PTMA: variants seen among roughly 807,000 people sequenced by gnomAD.
PTMA encodes gene sequence 28.
PTMA carries 4 observed loss-of-function variants against 16.9 expected under a neutral mutation model. The observed-to-expected ratio is 0.24, with a 90% CI of 0.12 to 0.54. The LOEUF is 0.54. Among genes scored for constraint, PTMA ranks in the 20% least tolerant of loss-of-function variants. PTMA has a pLI of 0.95. For missense variants in PTMA, 120 were observed against 137.7 expected (o/e 0.87, Z 0.64); for synonymous variants, 58 against 47.9 (o/e 1.21, Z -0.87).
chr2:231,712,556 G>A, intron 4 of PTMA, 40 bp downstream of exon 4: 1 of 1,600,346 alleles, frequency 6.2e-7, no homozygotes, highest in South Asian at 1.1e-5. Context: ...TTGGCATCTG[G>A]GTCTCCCCAC....
intron 1 of PTMA, chr2:231,709,639 CCGGGCCCCGTGGCGGG>C (rs2106241850): frequency 6.6e-6 from 1 of 152,478 alleles, no homozygotes; most frequent in African/African-American, 2.4e-5. Context: ...GGGGGGGCGC[CCGGGCCCCGTGGCGGG>C]TTCACTGCCC....
At chr2:231,711,849 G>C (rs781448325) in intron 2 of PTMA, 41 bp from the exon 3 acceptor site, 2 of 1,609,990 alleles carry the variant, frequency 1.2e-6, no homozygotes, top group Non-Finnish European at 1.7e-6. Context: ...GTCCAGCCTG[G>C]GGCCAGCTGG....
chr2:231,712,117 G>T (rs2106245615), intron 3 of PTMA, 134 bp downstream of exon 3: 1 of 1,468,184 alleles, frequency 6.8e-7, no homozygotes. Context: ...ATGGCCCTGG[G>T]CACCCACCTG....
In PTMA at chr2:231,708,676, C is replaced by T; in HGVS notation, c.-31C>T. 2 of 1,600,558 alleles carry T rather than the reference C, an allele frequency of 1.2e-6. No homozygotes were observed. The highest frequency in any genetic ancestry group is 8.5e-7 in the Non-Finnish European group (1 of 1,179,358). On this transcript the variant is annotated 5_prime_UTR_variant, in exon 1 of 5. Coordinates refer to ENST00000409115, the MANE Select transcript of PTMA (RefSeq NM_002823.5). ...CCTGAACTCTCGCTTTCTTTTTAAT[C>T]CCCTGCATCGGATCACCGGCGTGCC...
Position 231,712,988 on chromosome 2 carries a change from C to T in PTMA, c.*137C>T, listed in dbSNP as rs976023502. 196 of 859,104 alleles carry T rather than the reference C, an allele frequency of 2.3e-4. 1 individual carries two copies. Among genetic ancestry groups the T allele is most frequent in the South Asian group, 1.6e-3 (89 of 56,096 alleles). 53.2% of individuals were successfully genotyped at this position (859,104 alleles called of 1,614,324 possible). A position where few individuals can be genotyped will look rare whatever the true frequency, so the allele number is the denominator to read the frequency against. ...CCCGCCCACCGTGGGCAGTGCCACCCGCAGATGACACGCGCTCTCCACCAC... is the reference window on the plus strand; with the variant it reads ...CCCGCCCACCGTGGGCAGTGCCACCTGCAGATGACACGCGCTCTCCACCAC... On this transcript the variant is annotated 3_prime_UTR_variant, in exon 5 of 5. Coordinates refer to ENST00000409115, the MANE Select transcript of PTMA (RefSeq NM_002823.5).
At chr2:231,712,114 TG>T in intron 3 of PTMA, 131 bp downstream of exon 3, 1 of 1,471,764 alleles carries the variant, frequency 6.8e-7, no homozygotes, top group South Asian at 1.3e-5. Flanking sequence ...CACATGGCCC[TG>T]GGCACCCACC....
At chr2:231,711,494 C>A in intron 2 of PTMA, 75 bp downstream of exon 2, 2 of 1,350,508 alleles carry the variant, frequency 1.5e-6, no homozygotes, top group Non-Finnish European at 2.1e-6. Context: ...TTTAAACATA[C>A]CTATATATGT....
intron 1 of PTMA, chr2:231,710,115 C>G: frequency 8.0e-7 from 1 of 1,243,520 alleles, no homozygotes; most frequent in Non-Finnish European, 1.0e-6. Context: ...GCATCCCCGA[C>G]AGTCTCGGAC....
chr2:231,711,326 G>GGTTACTC, intron 1 of PTMA, 22 bp from the exon 2 acceptor site: 1 of 1,607,492 alleles, frequency 6.2e-7, no homozygotes. Context: ...ACTGGTTACT[G>GGTTACTC]GTTCCTTCTT....
At position 231,710,051 on chromosome 2, in the gene PTMA, C is replaced by T. The variant is rs906558824; in HGVS notation, c.46-1297C>T. 54 of 1,222,828 alleles carry T rather than the reference C, an allele frequency of 4.4e-5. No homozygotes were observed. The African/African-American group carries it at 7.5e-4, about 17-fold the overall frequency. 75.7% of individuals were successfully genotyped at this position (1,222,828 alleles called of 1,614,324 possible). ...CGGGGCCTGGCTGTTCGATTTTCTC[C>T]GAAGCACCAAAAGGTGACTTCCCGC... On this transcript the variant is annotated intron_variant, in intron 1 of 4. Transcript: ENST00000409115.
intron 1 of PTMA, chr2:231,710,713 G>A (rs909985063): frequency 1.9e-5 from 7 of 369,318 alleles, no homozygotes; most frequent in Non-Finnish European, 3.9e-5. Context: ...GGGGAGGCCG[G>A]GAGTTGGTGG....
chr2:231,708,825 G>A, intron 1 of PTMA, 74 bp downstream of exon 1: 5 of 1,535,390 alleles, frequency 3.3e-6, no homozygotes, highest in Non-Finnish European at 4.4e-6. Context: ...CGCAGCAGCT[G>A]GACTGTCTCA....
In PTMA at chr2:231,712,426, C is replaced by T. The variant is rs1183866341; in HGVS notation, c.212-17C>T. ...TAGGAGGGAAGTGTGGTTTACCTGGCCTTTGATTCTCTCCAGGTGAGGAAG... is the reference window on the plus strand; with the variant it reads ...TAGGAGGGAAGTGTGGTTTACCTGGTCTTTGATTCTCTCCAGGTGAGGAAG... On this transcript the variant is annotated splice_polypyrimidine_tract_variant and intron_variant, in intron 3 of 4. Coordinates refer to ENST00000409115, the MANE Select transcript of PTMA (RefSeq NM_002823.5). 11 of 1,611,988 alleles carry T rather than the reference C, an allele frequency of 6.8e-6. No homozygotes were observed. The highest frequency in any genetic ancestry group is 2.2e-5 in the South Asian group (2 of 91,026).
At chr2:231,711,071 T>C (rs2048512306) in intron 1 of PTMA, 1 of 327,862 alleles carries the variant, frequency 3.1e-6, no homozygotes, top group East Asian at 6.5e-5. Context: ...TGGCTCCTTT[T>C]TCCTGGGAAG....
At chr2:231,710,704 G>A (rs2048507303) in intron 1 of PTMA, 2 of 380,306 alleles carry the variant, frequency 5.3e-6, no homozygotes, top group African/African-American at 2.3e-5. Flanking sequence ...AGCCGCCGCG[G>A]GGAGGCCGGG....
At chr2:231,712,762 T>A in intron 4 of PTMA, 42 bp from the exon 5 acceptor site, 1 of 1,573,590 alleles carries the variant, frequency 6.4e-7, no homozygotes, top group Non-Finnish European at 8.6e-7. Context: ...TGGATAGGGC[T>A]CCTGGGGTTG....
intron 2 of PTMA, 95 bp downstream of exon 2, chr2:231,711,514 T>C (rs2106244789): frequency 8.7e-7 from 1 of 1,151,528 alleles, no homozygotes; most frequent in Non-Finnish European, 1.3e-6. Context: ...TGTGTGTATG[T>C]GTATATGTAT....
chr2:231,711,591 T>C, intron 2 of PTMA, 172 bp downstream of exon 2: 3 of 742,832 alleles, frequency 4.0e-6, no homozygotes, highest in East Asian at 2.7e-5. Flanking sequence ...GCTAGTTAAA[T>C]ATTTATAAAA....
At chr2:231,708,973 G>C (rs2048478168) in intron 1 of PTMA, among the ~76,000 whole-genome samples, 1 of 152,212 alleles carries the variant, frequency 6.6e-6, no homozygotes, top group Non-Finnish European at 1.5e-5. Context: ...GGAGTGGGCC[G>C]GGCGCCCTCG....
Sources: allele counts gnomAD v4.1 joint callset (sites outside exome capture counted in the v4.1 genomes callset), GRCh38; gene constraint gnomAD v4.1.1; transcripts MANE v1.5; gene names NCBI Gene and HGNC (gene_info 2026-07-23, HGNC 2026-07-21).